KDM6A: variants seen among roughly 807,000 people sequenced by gnomAD.
KDM6A encodes lysine-specific demethylase 6A.
In KDM6A, 11 loss-of-function variants were observed where a neutral mutation model predicts 117.6. The observed-to-expected ratio is 0.09, with a 90% CI of 0.06 to 0.15. KDM6A has a LOEUF of 0.15. Ranked by LOEUF, KDM6A falls within the 10% of genes least tolerant of loss-of-function variation. The pLI, the probability that KDM6A is intolerant of heterozygous loss-of-function variation, is 1.00. For missense variants in KDM6A, 799 were observed against 1,077.3 expected (o/e 0.74, Z 3.62); for synonymous variants, 384 against 396.1 (o/e 0.97, Z 0.36).
chrX:45,003,238 A>T (rs978920072), intron 4 of KDM6A, among the ~76,000 whole-genome samples: 3 of 110,228 alleles, frequency 2.7e-5, no homozygotes, highest in Non-Finnish European at 5.7e-5. Context: ...TTTTCCGTCA[A>T]TCACCCAGGA....
intron 13 of KDM6A, 90 bp downstream of exon 13, chrX:45,060,246 A>T: frequency 8.6e-7 from 1 of 1,161,983 alleles, no homozygotes; most frequent in Non-Finnish European, 1.2e-6. Context: ...TAAGCACAGG[A>T]GGCTTTTAGT....
intron 4 of KDM6A, among the ~76,000 whole-genome samples, chrX:45,009,585 C>G (rs1446040790): frequency 8.9e-6 from 1 of 111,733 alleles, no homozygotes; most frequent in South Asian, 3.7e-4. Flanking sequence ...TTACCCAGCC[C>G]CTATTCAAGA....
chrX:45,053,951 G>A lies in KDM6A; in HGVS notation c.871G>A (p.Gly291Arg), dbSNP rs773995635. 8.3e-7 allele frequency: 1 copy of A among 1,208,395 alleles called. No individual in the cohort carries two copies. The highest frequency in any genetic ancestry group is 1.1e-6 in the Non-Finnish European group (1 of 892,783). Residue 291 changes from glycine (G) to arginine (R), a missense_variant, in exon 10 of 30, where the codon GGA becomes AGA. By Grantham distance (125) the Gly-to-Arg change is moderately radical (BLOSUM62 -2). Around this residue, in one of 8 missense-constraint regions of KDM6A, gnomAD observed 10 missense variants for 47.7 expected, o/e 0.21. Transcript: ENST00000611820. ...TTCTGGCCAGTCCTGGTATTTCCTCGGAAGGTGAGACTTACCAGACATTTA... is the reference window on the plus strand; with the variant it reads ...TTCTGGCCAGTCCTGGTATTTCCTCAGAAGGTGAGACTTACCAGACATTTA... The part of the protein sequence containing the change: ...PNSGQSWYFL[G>R]RCYSSIGKVQ...
intron 27 of KDM6A, among the ~76,000 whole-genome samples, chrX:45,101,272 T>A (rs1394963671): frequency 8.9e-6 from 1 of 111,803 alleles, no homozygotes; most frequent in African/African-American, 3.3e-5. Flanking sequence ...CTTTATTTCC[T>A]CTTCTGAAAA....
At chrX:45,028,196 C>T (rs2042458370) in intron 6 of KDM6A, among the ~76,000 whole-genome samples, 1 of 111,920 alleles carries the variant, frequency 8.9e-6, no homozygotes, top group Non-Finnish European at 1.9e-5. Context: ...GCCAGAACCA[C>T]AAATTAACAT....
intron 27 of KDM6A, among the ~76,000 whole-genome samples, chrX:45,103,957 T>C (rs1452582618): frequency 8.9e-6 from 1 of 112,388 alleles, no homozygotes; most frequent in Non-Finnish European, 1.9e-5. Context: ...AAAATAGCAT[T>C]TTCCATCTTC....
chrX:45,057,962 T>A (rs1454847981), intron 10 of KDM6A, among the ~76,000 whole-genome samples: 1 of 110,727 alleles, frequency 9.0e-6, no homozygotes, highest in Non-Finnish European at 1.9e-5. Context: ...TATGTATATG[T>A]GTGTGTTGTC....
chrX:44,873,579 A>G lies in KDM6A; in HGVS notation c.28A>G (p.Thr10Ala), dbSNP rs1332106985. The G allele has an allele frequency of 1.7e-6, 2 of 1,198,492 alleles. No individual in the cohort carries two copies. The highest frequency in any genetic ancestry group is 2.2e-5 in the Admixed American group (1 of 44,821). Residue 10 changes from threonine to alanine, a missense_variant, in exon 1 of 30, where the codon ACC (threonine) becomes GCC (alanine). By Grantham distance (58) the Thr-to-Ala change is moderately conservative. Transcript: ENST00000611820. ...GAAATCCTGCGGAGTGTCGCTCGCT[A>G]CCGCCGCCGCTGCCGCCGCCGCTTT... is the stretch of plus-strand genomic sequence containing the variant. Reference protein sequence around the residue: MKSCGVSLATAAAAAAAFGD... With the variant: MKSCGVSLAAAAAAAAAFGD...
chrX:44,904,989 C>T (rs1476042549), intron 2 of KDM6A, among the ~76,000 whole-genome samples: 4 of 112,144 alleles, frequency 3.6e-5, no homozygotes, highest in African/African-American at 1.3e-4. Flanking sequence ...GTTAGAGGTT[C>T]TTAAGCCACC....
At chrX:45,008,572 A>G (rs1203180926) in intron 4 of KDM6A, among the ~76,000 whole-genome samples, 1 of 109,237 alleles carries the variant, frequency 9.2e-6, no homozygotes, top group Non-Finnish European at 1.9e-5. Flanking sequence ...TGGATTAACT[A>G]TTACCACTTT....
chrX:44,933,515 C>T (rs2036789014), intron 2 of KDM6A, among the ~76,000 whole-genome samples: 2 of 106,303 alleles, frequency 1.9e-5, no homozygotes, highest in Non-Finnish European at 3.9e-5. Flanking sequence ...CCTCATGATC[C>T]GCTAGTCTCA....
intron 2 of KDM6A, among the ~76,000 whole-genome samples, chrX:44,881,516 T>A (rs1045202880): frequency 8.9e-6 from 1 of 111,899 alleles, no homozygotes; most frequent in Non-Finnish European, 1.9e-5. Context: ...TGAGCTAATT[T>A]GTAGACTGCT....
intron 2 of KDM6A, among the ~76,000 whole-genome samples, chrX:44,953,972 C>T (rs754530745): frequency 2.8e-5 from 3 of 109,049 alleles, no homozygotes; most frequent in African/African-American, 1.0e-4. Context: ...GTGGGAGGAG[C>T]ACCTAAGCCT....
At chrX:44,913,766 G>GCA (rs2035372516) in intron 2 of KDM6A, among the ~76,000 whole-genome samples, 1 of 109,138 alleles carries the variant, frequency 9.2e-6, no homozygotes. Context: ...ATATGTATAC[G>GCA]CACACACACA....
intron 2 of KDM6A, among the ~76,000 whole-genome samples, chrX:44,882,803 T>C (rs2032435195): frequency 9.0e-6 from 1 of 111,423 alleles, no homozygotes; most frequent in South Asian, 3.7e-4. Flanking sequence ...GGTGAGGGAT[T>C]GTGTCAGGTT....
rs764681952 is a variant in KDM6A, at chrX:45,078,518, T to C, written c.3094+13T>C. On this transcript the variant is annotated intron_variant, in intron 20 of 29. Coordinates refer to ENST00000611820, the MANE Select transcript of KDM6A (RefSeq NM_001291415.2). Reference sequence around the variant, plus strand: ...GCTCTTAAGTTAGGTAAGCCTTAAATTAAAAAAGGAAAACGTTTGTCTCTT... The same window carrying C: ...GCTCTTAAGTTAGGTAAGCCTTAAACTAAAAAAGGAAAACGTTTGTCTCTT... 4.3e-6 allele frequency: 5 copies of C among 1,175,970 alleles called. No homozygotes were observed. The South Asian group carries it at 9.1e-5, about 22-fold the overall frequency.
Position 44,974,581 on chromosome X carries a change from T to C in KDM6A, c.335-85T>C, listed in dbSNP as rs112536942. ...ACTATCTACTGGGAGGTGGGTGTGG[T>C]GGGAATCTTGTTACCGTGTTTGTTA... On this transcript the variant is annotated intron_variant, in intron 3 of 29. Transcript: ENST00000611820. 54,713 of 652,768 alleles carry C rather than the reference T, an allele frequency of 0.084. 2,612 individuals are homozygous for C. Among genetic ancestry groups the C allele is most frequent in the African/African-American group, 0.3 (14,020 of 46,050 alleles). 53.8% of individuals were successfully genotyped at this position (652,768 alleles called of 1,213,427 possible).
At chrX:44,936,702 G>A (rs1210330705) in intron 2 of KDM6A, among the ~76,000 whole-genome samples, 2 of 112,045 alleles carry the variant, frequency 1.8e-5, no homozygotes, top group Non-Finnish European at 1.9e-5. Context: ...GTCTAAACAT[G>A]AAATTCATTT....
rs1023986921 is a variant in KDM6A at position 44,955,873 on chromosome X, A to T, written c.226-5411A>T. On this transcript the variant is annotated intron_variant, in intron 2 of 29. Transcript: ENST00000611820. ...ACTTAGAATCATAGAGTCCAAGGAT[A>T]TTTTTTTAAAAATGCAAATTAGAAT... Among the ~76,000 whole-genome samples, 3 of 111,480 alleles carry T rather than the reference A, an allele frequency of 2.7e-5. No individual in the cohort carries two copies. The Admixed American group carries it at 2.9e-4, about 11-fold the overall frequency.
Sources: allele counts gnomAD v4.1 joint callset (sites outside exome capture counted in the v4.1 genomes callset), GRCh38; gene constraint gnomAD v4.1.1; regional missense constraint gnomAD v4.1.1; transcripts MANE v1.5; gene names NCBI Gene and HGNC (gene_info 2026-07-23, HGNC 2026-07-21).